UBE2E2: variants seen among roughly 807,000 people sequenced by gnomAD.
UBE2E2 encodes ubiquitin conjugating enzyme E2 E2.
A neutral mutation model predicts 24.7 loss-of-function variants in UBE2E2; 6 were observed. The ratio of observed to expected loss-of-function variants is 0.24; its 90% CI spans 0.13 to 0.48. The LOEUF (loss-of-function observed/expected upper bound fraction) is 0.48, where lower values mean the gene tolerates loss of function less well. Among genes scored for constraint, UBE2E2 ranks in the 20% least tolerant of loss-of-function variants. The pLI is 0.99. For missense variants in UBE2E2, 169 were observed against 245.0 expected (o/e 0.69, Z 2.07); for synonymous variants, 104 against 83.6 (o/e 1.24, Z -1.33).
intron 3 of UBE2E2, among the ~76,000 whole-genome samples, chr3:23,360,257 A>T (rs1041823817): frequency 6.6e-6 from 1 of 152,186 alleles, no homozygotes; most frequent in Admixed American, 6.5e-5. Flanking sequence ...AACAAAAAGA[A>T]GTGAGTGCTG....
chr3:23,584,581 G>A (rs1280723336), intron 5 of UBE2E2, among the ~76,000 whole-genome samples: 2 of 151,516 alleles, frequency 1.3e-5, no homozygotes, highest in Non-Finnish European at 2.9e-5. Flanking sequence ...TGGAAAGACG[G>A]TCTCGCTCTT....
chr3:23,255,561 A>C lies in UBE2E2; in HGVS notation c.227+38249A>C, dbSNP rs187734589. Among the ~76,000 whole-genome samples, 227 of 152,282 alleles carry C rather than the reference A, an allele frequency of 1.5e-3. 6 individuals carry two copies. The highest frequency in any genetic ancestry group is 1.0e-4 in the Non-Finnish European group (7 of 68,030). ...GGCAGCTCAAAGGGGATTGAGAAAT[A>C]AAGTTGTAGAGTCAAAGTAGAGAGA... is the stretch of plus-strand genomic sequence containing the variant. On this transcript the variant is annotated intron_variant, in intron 3 of 5. Transcript: ENST00000396703.
Position 23,589,090 on chromosome 3 carries a change from T to A in UBE2E2, c.509-644T>A, listed in dbSNP as rs1696698041. ...GGAGAGCTCATCAAGAGCCCATGAG[T>A]CCCCTGCCCACAGCCCACCTGCATT... On this transcript the variant is annotated intron_variant, in intron 5 of 5. Coordinates refer to ENST00000396703, the MANE Select transcript of UBE2E2 (RefSeq NM_152653.4). This position sits in a 1 kb window ranked among gnomAD's most constrained non-coding sequence, Gnocchi z 4.1. 6.6e-6 allele frequency among the ~76,000 whole-genome samples: 1 copy of A among 151,614 alleles called. No homozygotes were observed. Among genetic ancestry groups the A allele is most frequent in the Non-Finnish European group, 1.5e-5 (1 of 67,914 alleles).
chr3:23,326,599 AAAGT>A (rs1694896908), intron 3 of UBE2E2, among the ~76,000 whole-genome samples: 1 of 152,222 alleles, frequency 6.6e-6, no homozygotes, highest in Non-Finnish European at 1.5e-5. Flanking sequence ...TATACAAAAA[AAAGT>A]ATGAGGTTGT....
intron 3 of UBE2E2, among the ~76,000 whole-genome samples, chr3:23,368,900 C>G (rs1430010809): frequency 6.6e-6 from 1 of 152,102 alleles, no homozygotes; most frequent in Non-Finnish European, 1.5e-5. Context: ...TTAATGGAAA[C>G]CAGTGATTGC....
intron 3 of UBE2E2, among the ~76,000 whole-genome samples, chr3:23,443,335 C>T (rs981978589): frequency 6.6e-6 from 1 of 152,070 alleles, no homozygotes; most frequent in Non-Finnish European, 1.5e-5. Flanking sequence ...AACATAATCC[C>T]AAGAAGTAGA....
intron 5 of UBE2E2, among the ~76,000 whole-genome samples, chr3:23,580,576 A>G (rs1323535543): frequency 6.6e-6 from 1 of 152,180 alleles, no homozygotes; most frequent in East Asian, 1.9e-4. Context: ...TGTGACATTC[A>G]CTTTATTGCG....
At chr3:23,352,758 A>G (rs1186314977) in intron 3 of UBE2E2, among the ~76,000 whole-genome samples, 1 of 152,174 alleles carries the variant, frequency 6.6e-6, no homozygotes, top group African/African-American at 2.4e-5. Context: ...TACCAACCAA[A>G]AAGAGTCCAG....
At chr3:23,430,179 G>C (rs76443639) in intron 3 of UBE2E2, among the ~76,000 whole-genome samples, 1,780 of 152,296 alleles carry the variant, frequency 0.012, 18 homozygotes, top group Non-Finnish European at 0.017. Flanking sequence ...ACTCGATGCA[G>C]ACTATTTGAG....
chr3:23,337,599 T>TC (rs1287015236), intron 3 of UBE2E2, among the ~76,000 whole-genome samples: 1 of 152,162 alleles, frequency 6.6e-6, no homozygotes, highest in East Asian at 1.9e-4. Flanking sequence ...GGAATAATAT[T>TC]TAAGTGAAGA....
intron 3 of UBE2E2, among the ~76,000 whole-genome samples, chr3:23,486,908 C>G (rs1415323794): frequency 2.0e-5 from 3 of 152,212 alleles, no homozygotes; most frequent in Non-Finnish European, 4.4e-5. Context: ...AGCCCAGTCC[C>G]CAGACTTCAG....
chr3:23,450,581 T>C (rs1454586252), intron 3 of UBE2E2, among the ~76,000 whole-genome samples: 1 of 152,198 alleles, frequency 6.6e-6, no homozygotes, highest in Non-Finnish European at 1.5e-5. Flanking sequence ...AATTAAGAAT[T>C]CTGATATCAA....
At chr3:23,437,228 C>T (rs949042750) in intron 3 of UBE2E2, among the ~76,000 whole-genome samples, 1 of 152,192 alleles carries the variant, frequency 6.6e-6, no homozygotes, top group Non-Finnish European at 1.5e-5. Flanking sequence ...CTCATCCTTA[C>T]ATGTCTGACT....
intron 3 of UBE2E2, among the ~76,000 whole-genome samples, chr3:23,237,815 C>T (rs890270278): frequency 6.6e-6 from 1 of 152,046 alleles, no homozygotes; most frequent in East Asian, 1.9e-4. Flanking sequence ...TAAGGCCTTA[C>T]TTAAACCAAA....
Position 23,208,744 on chromosome 3 carries a change from T to C in UBE2E2, c.45T>C (p.Ser15=), listed in dbSNP as rs1559439129. 6.2e-7 allele frequency: 1 copy of C among 1,613,556 alleles called. No homozygotes were observed. Among genetic ancestry groups the C allele is most frequent in the Non-Finnish European group, 8.5e-7 (1 of 1,179,732 alleles). Residue 15 remains serine (S), a synonymous_variant, in exon 2 of 6, where the codon AGT becomes AGC. Transcript: ENST00000396703. Reference sequence around the variant, plus strand: ...GAGTTGATGACAGTCCAAGCACTAGTGGAGGAAGTTCCGATGGAGATCAAC... The same window carrying C: ...GAGTTGATGACAGTCCAAGCACTAGCGGAGGAAGTTCCGATGGAGATCAAC... The part of the protein sequence containing the change: ...AQRVDDSPST[S]GGSSDGDQRE...
chr3:23,236,041 C>T (rs545222858), intron 3 of UBE2E2, among the ~76,000 whole-genome samples: 1 of 152,108 alleles, frequency 6.6e-6, no homozygotes, highest in East Asian at 1.9e-4. Context: ...ATACTCAAAA[C>T]CAAGCCCTCG....
At chr3:23,455,631 C>G (rs1698661353) in intron 3 of UBE2E2, among the ~76,000 whole-genome samples, 1 of 152,106 alleles carries the variant, frequency 6.6e-6, no homozygotes, top group Non-Finnish European at 1.5e-5. Flanking sequence ...TTCAAGGCTG[C>G]TATGAGCTGG....
chr3:23,305,892 A>G (rs931739700), intron 3 of UBE2E2, among the ~76,000 whole-genome samples: 40 of 152,052 alleles, frequency 2.6e-4, no homozygotes, highest in African/African-American at 9.2e-4. Flanking sequence ...ACAGTGCCCA[A>G]ACCCTAACAG....
At chr3:23,573,117 A>C (rs1166204209) in intron 5 of UBE2E2, among the ~76,000 whole-genome samples, 1 of 152,236 alleles carries the variant, frequency 6.6e-6, no homozygotes, top group East Asian at 1.9e-4. Flanking sequence ...AGCTATAGTG[A>C]TACAAATCAG....
Sources: allele counts gnomAD v4.1 joint callset (sites outside exome capture counted in the v4.1 genomes callset), GRCh38; gene constraint gnomAD v4.1.1; non-coding constraint Gnocchi (gnomAD v3.1); transcripts MANE v1.5; gene names NCBI Gene and HGNC (gene_info 2026-07-23, HGNC 2026-07-21).